The following LNPK variants were observed in gnomAD, a reference collection of about 807,000 sequenced individuals.
The protein encoded by LNPK is lunapark, ER junction formation factor.
In LNPK, 29 loss-of-function variants were observed where a neutral mutation model predicts 55.2. That is an observed-to-expected ratio of 0.53 (90% CI 0.39 to 0.72). The LOEUF is 0.72. LNPK is among the 30% of genes least tolerant of loss of function. The pLI is 0.00. For synonymous variants in LNPK, 162 were observed against 168.2 expected, an observed-to-expected ratio of 0.96 and a Z score of 0.29; for missense variants, 467 against 494.8, an observed-to-expected ratio of 0.94 and a Z score of 0.53.
At chr2:175,983,669 T>C (rs1398103603) in intron 4 of LNPK, among the ~76,000 whole-genome samples, 7 of 152,096 alleles carry the variant, frequency 4.6e-5, no homozygotes. Context: ...AAGTATCTTT[T>C]AAGGTTGAAA....
chr2:175,976,773 T>A (rs1055797599), intron 5 of LNPK, among the ~76,000 whole-genome samples: 1 of 152,204 alleles, frequency 6.6e-6, no homozygotes, highest in African/African-American at 2.4e-5. Flanking sequence ...AACTTACACT[T>A]ACTGGCTCTC....
At chr2:175,948,074 A>T (rs1442469201) in intron 8 of LNPK, among the ~76,000 whole-genome samples, 1 of 152,232 alleles carries the variant, frequency 6.6e-6, no homozygotes, top group Non-Finnish European at 1.5e-5. Context: ...TTCAAGATTT[A>T]AAAAACTAAA....
intron 9 of LNPK, among the ~76,000 whole-genome samples, chr2:175,944,873 C>G (rs1026681136): frequency 9.2e-5 from 14 of 151,872 alleles, no homozygotes; most frequent in African/African-American, 3.4e-4. Flanking sequence ...AAAATTATAG[C>G]TATTAGTAAA....
At chr2:175,950,814 G>A (rs965786903) in intron 8 of LNPK, among the ~76,000 whole-genome samples, 7 of 152,040 alleles carry the variant, frequency 4.6e-5, no homozygotes, top group Admixed American at 1.3e-4. Context: ...AAGCACATGC[G>A]AAGTACTTAA....
intron 1 of LNPK, among the ~76,000 whole-genome samples, 186 bp from the exon 2 acceptor site, chr2:175,995,832 G>A (rs1224762077): frequency 5.2e-4 from 1 of 1,940 alleles, no homozygotes; most frequent in Non-Finnish European, 2.2e-3. Context: ...TTTTTTTTTT[G>A]AGATGGAGAC....
chr2:175,966,818 G>A lies in LNPK; in HGVS notation c.358-2229C>T, dbSNP rs1979052. 5.4e-3 allele frequency among the ~76,000 whole-genome samples: 825 copies of A among 152,278 alleles called. 6 individuals are homozygous for A. The highest frequency in any genetic ancestry group is 0.019 in the African/African-American group (788 of 41,560). On this transcript the variant is annotated intron_variant, in intron 6 of 12. Transcript: ENST00000272748. Reference sequence around the variant, plus strand: ...ATTCTTAGAAGATTGTTAGCACTTTGTCAGCCTCAGTTTCTCCTCTGCATA... The same window carrying A: ...ATTCTTAGAAGATTGTTAGCACTTTATCAGCCTCAGTTTCTCCTCTGCATA...
chr2:175,993,403 G>A (rs753928494), intron 2 of LNPK, among the ~76,000 whole-genome samples, 180 bp from the exon 3 acceptor site: 4 of 152,026 alleles, frequency 2.6e-5, no homozygotes, highest in Admixed American at 6.6e-5. Context: ...ATAGAACTAC[G>A]TAAGATTAAA....
In LNPK at chr2:175,992,387, T is replaced by C; in HGVS notation, c.101A>G (p.Lys34Arg). Reference sequence around the variant, plus strand: ...CCATAATTTTTGTAATCTCTGATTTTTTTCCCTAAATTCTTCCAATGCTTG... The same window carrying C: ...CCATAATTTTTGTAATCTCTGATTTCTTTCCCTAAATTCTTCCAATGCTTG... ...EIQALEEFRE[K>R]NQRLQKLWVG... The change falls in exon 4 of 13, where the codon AAA becomes AGA. Residue 34 changes from lysine to arginine, a missense_variant. Physicochemically the swap from Lys to Arg is conservative, Grantham distance 26. Transcript: ENST00000272748. 4 of 1,512,916 alleles carry C rather than the reference T, an allele frequency of 2.6e-6. No individual in the cohort carries two copies. Among genetic ancestry groups the C allele is most frequent in the Non-Finnish European group, 3.5e-6 (4 of 1,137,124 alleles). 93.7% of individuals were successfully genotyped at this position (1,512,916 alleles called of 1,614,324 possible). A position where few individuals can be genotyped will look rare whatever the true frequency, so the allele number is the denominator to read the frequency against.
At position 175,952,331 on chromosome 2, in the gene LNPK, C is replaced by T. The variant is rs946512586; in HGVS notation, c.494-4639G>A. Among the ~76,000 whole-genome samples, 3 of 151,596 alleles carry T rather than the reference C, an allele frequency of 2.0e-5. No individual in the cohort carries two copies. In the East Asian group the frequency reaches 5.8e-4, roughly 29 times the overall value. ...GTGGAAACTCTTAGGGTGAATTTTG[C>T]TTTTTGTAATTGTGAAAAAAATTAT... On this transcript the variant is annotated intron_variant, in intron 8 of 12. Transcript: ENST00000272748.
intron 8 of LNPK, among the ~76,000 whole-genome samples, chr2:175,961,099 G>C (rs1244371130): frequency 1.3e-5 from 2 of 152,140 alleles, no homozygotes; most frequent in Non-Finnish European, 2.9e-5. Context: ...AGGACCAAAT[G>C]AATTCACAGC....
chr2:175,930,935 C>G (rs2105509792), intron 12 of LNPK, among the ~76,000 whole-genome samples: 1 of 152,180 alleles, frequency 6.6e-6, no homozygotes, highest in Middle Eastern at 3.4e-3. Flanking sequence ...AAAATTTACT[C>G]CTTTTAAACT....
intron 4 of LNPK, 103 bp downstream of exon 4, chr2:175,992,128 T>C (rs1214415691): frequency 2.9e-6 from 2 of 695,114 alleles, no homozygotes; most frequent in East Asian, 3.4e-5. Context: ...CTCAATCAGA[T>C]ATTACCATTT....
chr2:175,947,211 C>T (rs1174343683), intron 9 of LNPK, among the ~76,000 whole-genome samples: 1 of 152,154 alleles, frequency 6.6e-6, no homozygotes, highest in African/African-American at 2.4e-5. Context: ...ATATGCTGTA[C>T]TGTTGGCTAC....
intron 2 of LNPK, 47 bp from the exon 3 acceptor site, chr2:175,993,270 AC>A: frequency 8.5e-7 from 1 of 1,178,720 alleles, no homozygotes; most frequent in African/African-American, 1.6e-5. Flanking sequence ...CTTATCACAA[AC>A]CTTTACATTT....
At chr2:175,981,587 T>C (rs890117855) in intron 4 of LNPK, among the ~76,000 whole-genome samples, 8 of 151,988 alleles carry the variant, frequency 5.3e-5, no homozygotes, top group African/African-American at 1.9e-4. Flanking sequence ...AAACAGCCTA[T>C]ATGAAAAGAA....
chr2:175,930,020 C>T lies in LNPK; in HGVS notation c.1234G>A (p.Ala412Thr). The change falls in exon 13 of 13, where the codon GCT becomes ACT. Residue 412 changes from alanine to threonine, a missense_variant. Transcript: ENST00000272748. ...VIETNSTVPG[A>T]DSIPDPELSG... ...AGTTCAGGATCAGGAATAGAATCAG[C>T]TCCAGGAACTGTGGAGTTGGTTTCA... The T allele has an allele frequency of 1.2e-6, 2 of 1,614,020 alleles. No individual in the cohort carries two copies. Among genetic ancestry groups the T allele is most frequent in the Non-Finnish European group, 1.7e-6 (2 of 1,179,948 alleles).
intron 4 of LNPK, among the ~76,000 whole-genome samples, chr2:175,982,033 C>A (rs541352725): frequency 1.3e-5 from 2 of 152,150 alleles, no homozygotes; most frequent in East Asian, 3.9e-4. Flanking sequence ...GGCATTTGGA[C>A]AATTACCTAA....
intron 5 of LNPK, 76 bp from the exon 6 acceptor site, chr2:175,970,880 C>T: frequency 8.2e-7 from 1 of 1,224,070 alleles, no homozygotes; most frequent in Non-Finnish European, 1.1e-6. Context: ...CACACGGTAG[C>T]AAACACAAGA....
At chr2:175,975,120 A>G (rs930351693) in intron 5 of LNPK, among the ~76,000 whole-genome samples, 2 of 152,052 alleles carry the variant, frequency 1.3e-5, no homozygotes, top group African/African-American at 4.8e-5. Flanking sequence ...ATATCACCAA[A>G]AACAGTATCA....
Sources: gnomAD v4.1 joint callset for allele counts (sites outside exome capture counted in the v4.1 genomes callset) on GRCh38, gnomAD v4.1.1 for gene constraint, MANE v1.5 for transcripts, NCBI Gene and HGNC (gene_info 2026-07-23, HGNC 2026-07-21) for gene names.